Variants in MAX observed in about 807,000 individuals in gnomAD.
MAX encodes protein max.
MAX carries 3 observed loss-of-function variants against 22.3 expected under a neutral mutation model. That is an observed-to-expected ratio of 0.13 (90% CI 0.06 to 0.35). The LOEUF (loss-of-function observed/expected upper bound fraction) is 0.35, where lower values mean the gene tolerates loss of function less well. Ranked by LOEUF, MAX falls within the 10% of genes least tolerant of loss-of-function variation. The probability of loss-of-function intolerance (pLI) is 1.00; values close to 1 mark genes in which losing one functional copy is unlikely to be tolerated. For missense variants in MAX, 119 were observed against 209.4 expected, an observed-to-expected ratio of 0.57 and a Z score of 2.66; for synonymous variants, 72 against 77.7, an observed-to-expected ratio of 0.93 and a Z score of 0.39.
At chr14:65,061,404 A>G (rs1031621757) in intron 3 of MAX, 1 of 1,545,680 alleles carries the variant, frequency 6.5e-7, no homozygotes, top group Non-Finnish European at 8.7e-7. Context: ...TGTGCTACAC[A>G]AGCCTTAGCC....
chr14:65,076,066 G>A lies in MAX; in HGVS notation c.*410C>T, dbSNP rs986853648. ...CAGATTCACAAAGTCTATCAGAGGT[G>A]AGGGCGGGCCAGGAGGCCACCTGGG... is the stretch of plus-strand genomic sequence containing the variant. On this transcript the variant is annotated 3_prime_UTR_variant, in exon 5 of 5. Coordinates refer to ENST00000358664, the MANE Select transcript of MAX (RefSeq NM_002382.5). This position sits in a 1 kb window ranked among gnomAD's most constrained non-coding sequence, Gnocchi z 6.6. The A allele has an allele frequency of 8.3e-6, 10 of 1,209,690 alleles. No homozygotes were observed. In the African/African-American group the frequency reaches 1.4e-4, roughly 17 times the overall value. 74.9% of individuals were successfully genotyped at this position (1,209,690 alleles called of 1,614,324 possible). A position where few individuals can be genotyped will look rare whatever the true frequency, so the allele number is the denominator to read the frequency against.
At position 65,079,422 on chromosome 14, in the gene MAX, G is replaced by C. The variant is rs976311869; in HGVS notation, c.172-1386C>G. On this transcript the variant is annotated intron_variant, in intron 3 of 4. Coordinates refer to ENST00000358664, the MANE Select transcript of MAX (RefSeq NM_002382.5). This position sits in a 1 kb window ranked among gnomAD's most constrained non-coding sequence, Gnocchi z 4.5. ...TCAATAACATGGATGTCATGTTACT[G>C]TGCCCCTAGACATCAAACTTGTCTG... Among the ~76,000 whole-genome samples, 2 of 152,326 alleles carry C rather than the reference G, an allele frequency of 1.3e-5. No homozygotes were observed. The highest frequency in any genetic ancestry group is 3.9e-4 in the East Asian group (2 of 5,192).
At chr14:65,061,084 A>G in intron 3 of MAX, 13 of 1,543,522 alleles carry the variant, frequency 8.4e-6, no homozygotes, top group Non-Finnish European at 1.1e-5. Flanking sequence ...GATTCCTTAT[A>G]CTAAATTCTT....
At chr14:65,039,087 C>T (rs1348777840) in intron 3 of MAX, among the ~76,000 whole-genome samples, 1 of 152,226 alleles carries the variant, frequency 6.6e-6, no homozygotes. Context: ...TGGTACTCTA[C>T]AGCTGTCTGT....
intron 3 of MAX, among the ~76,000 whole-genome samples, chr14:65,010,203 TC>T (rs1287243097): frequency 6.6e-6 from 1 of 152,194 alleles, no homozygotes; most frequent in East Asian, 1.9e-4. Flanking sequence ...CCTTTGCTCT[TC>T]CCTAGCATAT....
rs147787095 is a variant in MAX, at chr14:65,034,598, G to A, written c.172-28314C>T. Among the ~76,000 whole-genome samples, 452 of 152,338 alleles carry A rather than the reference G, an allele frequency of 3.0e-3. 4 individuals are homozygous for A. The highest frequency in any genetic ancestry group is 0.01 in the African/African-American group (436 of 41,568). ...GAGGACTGTCATGCTCAATGGTAAG[G>A]CAGCTATAGTTGAGAGCTGGAGAGT... On this transcript the variant is annotated intron_variant, in intron 3 of 3. Coordinates refer to the MAX transcript ENST00000341653.
rs1232434331 is a variant in MAX at position 65,077,859 on chromosome 14, C to T, written c.295+54G>A. 6.2e-7 allele frequency: 1 copy of T among 1,614,114 alleles called. No individual in the cohort carries two copies. The highest frequency in any genetic ancestry group is 8.5e-7 in the Non-Finnish European group (1 of 1,180,052). On this transcript the variant is annotated intron_variant, in intron 4 of 4. Transcript: ENST00000358664. This position sits in a 1 kb window ranked among gnomAD's most constrained non-coding sequence, Gnocchi z 6.3. ...ACTCTGCAGGCCCAGGTGCCAAAGC[C>T]TGACCTGGCTGGAGCACAGCAGGGC...
rs569759072 is a variant in MAX, at chr14:65,040,283, G to A, written c.172-33999C>T. ...TGTATATATATGTATATATATGTGTGTATATATATATATGTATATATATGT... is the reference window on the plus strand; with the variant it reads ...TGTATATATATGTATATATATGTGTATATATATATATATGTATATATATGT... On this transcript the variant is annotated intron_variant, in intron 3 of 3. Coordinates refer to the MAX transcript ENST00000341653. Among the ~76,000 whole-genome samples, 12 of 147,016 alleles carry A rather than the reference G, an allele frequency of 8.2e-5. No homozygotes were observed. The East Asian group carries it at 2.4e-3, about 29-fold the overall frequency.
chr14:65,098,384 A>G (rs1248879948), intron 2 of MAX, among the ~76,000 whole-genome samples: 1 of 152,216 alleles, frequency 6.6e-6, no homozygotes, highest in Non-Finnish European at 1.5e-5. Flanking sequence ...AGAAGTTAAA[A>G]ATATTTCATG....
Position 65,076,463 on chromosome 14 carries a change from T to C in MAX, c.*13A>G. 2 of 1,612,892 alleles carry C rather than the reference T, an allele frequency of 1.2e-6. No individual in the cohort carries two copies. Among genetic ancestry groups the C allele is most frequent in the Non-Finnish European group, 1.7e-6 (2 of 1,180,030 alleles). On this transcript the variant is annotated 3_prime_UTR_variant, in exon 5 of 5. Coordinates refer to ENST00000358664, the MANE Select transcript of MAX (RefSeq NM_002382.5). The surrounding 1 kb of genome is among the most constrained non-coding windows in gnomAD (Gnocchi z 6.6). ...AGACAGACAGTTTTTATTGCTGGCC[T>C]GCCCCGAGTGGCTTAGCTGGCCTCC...
At chr14:65,095,093 C>A (rs2063623195) in intron 2 of MAX, among the ~76,000 whole-genome samples, 1 of 152,212 alleles carries the variant, frequency 6.6e-6, no homozygotes, top group South Asian at 2.1e-4. Flanking sequence ...AACGAAAGGA[C>A]TTGAAATTCT....
At chr14:65,016,252 C>G (rs1373920576) in intron 3 of MAX, among the ~76,000 whole-genome samples, 1 of 152,198 alleles carries the variant, frequency 6.6e-6, no homozygotes, top group Non-Finnish European at 1.5e-5. Context: ...GATTAGAGAT[C>G]TAAGCAACTG....
chr14:65,015,625 T>C, intron 3 of MAX: 1 of 1,614,066 alleles, frequency 6.2e-7, no homozygotes, highest in Non-Finnish European at 8.5e-7. Context: ...TCTCTCCCAG[T>C]GTCTGGATGC....
rs941414068 is a variant in MAX, at chr14:65,075,789, C to A, written c.*687G>T. 1 of 1,065,866 alleles carries A rather than the reference C, an allele frequency of 9.4e-7. No homozygotes were observed. The highest frequency in any genetic ancestry group is 1.6e-5 in the African/African-American group (1 of 61,136). 66.0% of individuals were successfully genotyped at this position (1,065,866 alleles called of 1,614,324 possible). A position where few individuals can be genotyped will look rare whatever the true frequency, so the allele number is the denominator to read the frequency against. ...CCATACATACCACGAGAGTGTCACA[C>A]GGCCCTCCGTGAGGCTGGCGCCGCA... is the stretch of plus-strand genomic sequence containing the variant. On this transcript the variant is annotated 3_prime_UTR_variant, in exon 5 of 5. Transcript: ENST00000358664. This position sits in a 1 kb window ranked among gnomAD's most constrained non-coding sequence, Gnocchi z 4.1.
At chr14:65,086,102 C>T (rs1196042713) in intron 3 of MAX, among the ~76,000 whole-genome samples, 2 of 152,128 alleles carry the variant, frequency 1.3e-5, no homozygotes, top group African/African-American at 4.8e-5. Flanking sequence ...TCGCCTGCTG[C>T]CATCCATGTA....
At position 65,007,186 on chromosome 14, in the gene MAX, G is replaced by T. The variant is rs1443007970; in HGVS notation, c.172-902C>A. 6.6e-6 allele frequency among the ~76,000 whole-genome samples: 1 copy of T among 152,128 alleles called. No individual in the cohort carries two copies. Among genetic ancestry groups the T allele is most frequent in the Non-Finnish European group, 1.5e-5 (1 of 68,028 alleles). On this transcript the variant is annotated intron_variant, in intron 3 of 3. Coordinates refer to the MAX transcript ENST00000341653. The surrounding 1 kb of genome is among the most constrained non-coding windows in gnomAD (Gnocchi z 4.9). ...ACATCACCATCATAGAATAAGCGAG[G>T]ATATAAGAATAAATTAGAAAATTTA...
Position 65,084,350 on chromosome 14 carries a change from A to G in MAX, c.172-6314T>C. 1 of 1,147,210 alleles carries G rather than the reference A, an allele frequency of 8.7e-7. No homozygotes were observed. The highest frequency in any genetic ancestry group is 1.3e-6 in the Non-Finnish European group (1 of 760,794). The allele number at this position is 1,147,210 out of a possible 1,614,324, so 71.1% of individuals were successfully genotyped here. A position where few individuals can be genotyped will look rare whatever the true frequency, so the allele number is the denominator to read the frequency against. The stretch of plus-strand genomic sequence containing the variant: ...AATTAATTTCACAAGTAATAAATAG[A>G]ATACAAAATTACTAACTTTTGTTTA... On this transcript the variant is annotated intron_variant, in intron 3 of 4. Transcript: ENST00000358664. The surrounding 1 kb of genome is among the most constrained non-coding windows in gnomAD (Gnocchi z 4.3).
At chr14:65,075,004 G>T, downstream of MAX, 1 of 952,382 alleles carries the variant, frequency 1.0e-6, no homozygotes, top group Non-Finnish European at 1.3e-6. The surrounding 1 kb of genome is among the most constrained non-coding windows in gnomAD (Gnocchi z 4.1). Flanking sequence ...TCCTGGTTCT[G>T]CAAGACCGGG....
intron 3 of MAX, chr14:65,053,372 G>A: frequency 1.4e-6 from 2 of 1,403,134 alleles, no homozygotes; most frequent in Non-Finnish European, 1.9e-6. Flanking sequence ...TCTCTGGGGA[G>A]GGAAGGGAGA....
Sources: allele counts gnomAD v4.1 joint callset (sites outside exome capture counted in the v4.1 genomes callset), GRCh38; gene constraint gnomAD v4.1.1; non-coding constraint Gnocchi (gnomAD v3.1); transcripts MANE v1.5; gene names NCBI Gene and HGNC (gene_info 2026-07-23, HGNC 2026-07-21).